Variants in SLC35F1 observed in about 807,000 individuals in gnomAD.
SLC35F1 encodes solute carrier family 35 member F1, also known as chromosome 6 open reading frame 169.
SLC35F1 carries 14 observed loss-of-function variants against 48.7 expected under a neutral mutation model. That is an observed-to-expected ratio of 0.29 (90% confidence interval 0.19 to 0.45). The LOEUF (loss-of-function observed/expected upper bound fraction) is 0.45. Among genes scored for constraint, SLC35F1 ranks in the 20% least tolerant of loss-of-function variants. SLC35F1 has a pLI of 1.00. For synonymous variants in SLC35F1, 190 were observed against 202.2 expected, an observed-to-expected ratio of 0.94 and a Z score of 0.51; for missense variants, 404 against 500.0, an observed-to-expected ratio of 0.81 and a Z score of 1.83.
At chr6:118,082,551 C>G (rs1367050625) in intron 1 of SLC35F1, among the ~76,000 whole-genome samples, 1 of 151,190 alleles carries the variant, frequency 6.6e-6, no homozygotes, top group Non-Finnish European at 1.5e-5. Context: ...TTACAAGTAA[C>G]ATAAACTCAA....
At chr6:118,287,541 G>A (rs911768743) in intron 7 of SLC35F1, among the ~76,000 whole-genome samples, 3 of 152,170 alleles carry the variant, frequency 2.0e-5, no homozygotes, top group Non-Finnish European at 4.4e-5. Context: ...TCACTGGGGT[G>A]CTTGATAAAA....
chr6:118,130,412 A>G (rs1050487050), intron 1 of SLC35F1, among the ~76,000 whole-genome samples: 28 of 152,214 alleles, frequency 1.8e-4, no homozygotes, highest in Non-Finnish European at 3.4e-4. Context: ...CAAAGCTTGC[A>G]GTGAGCGGAG....
At chr6:117,926,491 A>G (rs1776030121) in intron 1 of SLC35F1, among the ~76,000 whole-genome samples, 1 of 151,994 alleles carries the variant, frequency 6.6e-6, no homozygotes, top group Non-Finnish European at 1.5e-5. Context: ...CCAGAATTAA[A>G]AGAGGAGTGT....
chr6:118,309,749 G>A (rs144265418), intron 7 of SLC35F1, among the ~76,000 whole-genome samples: 2 of 152,164 alleles, frequency 1.3e-5, no homozygotes, highest in African/African-American at 4.8e-5. Flanking sequence ...ATGAAAATTT[G>A]GTCTGTGATG....
At chr6:118,240,076 A>G (rs1056134591) in intron 3 of SLC35F1, among the ~76,000 whole-genome samples, 2 of 152,252 alleles carry the variant, frequency 1.3e-5, no homozygotes, top group African/African-American at 4.8e-5. Flanking sequence ...ATATTAATCC[A>G]TAAAGAAGAC....
At chr6:117,975,931 G>T (rs1776700023) in intron 1 of SLC35F1, among the ~76,000 whole-genome samples, 1 of 152,148 alleles carries the variant, frequency 6.6e-6, no homozygotes, top group Admixed American at 6.5e-5. Context: ...TCGCCAAAAG[G>T]TAGATTATCA....
chr6:118,048,536 T>C (rs2114907784), intron 1 of SLC35F1, among the ~76,000 whole-genome samples: 1 of 152,274 alleles, frequency 6.6e-6, no homozygotes, highest in South Asian at 2.1e-4. Context: ...AAAATCAATG[T>C]ACAAAAATCA....
chr6:117,966,197 T>C (rs1402070131), intron 1 of SLC35F1, among the ~76,000 whole-genome samples: 1 of 139,412 alleles, frequency 7.2e-6, no homozygotes, highest in African/African-American at 2.7e-5. Context: ...CTGTCCATGC[T>C]GTGGAAGCTT....
At chr6:118,071,194 A>G (rs1772718676) in intron 1 of SLC35F1, among the ~76,000 whole-genome samples, 2 of 141,828 alleles carry the variant, frequency 1.4e-5, no homozygotes, top group African/African-American at 2.8e-5. Flanking sequence ...GTGTATATAC[A>G]CACATAGTAT....
chr6:118,148,821 T>G (rs1053229124), intron 1 of SLC35F1, among the ~76,000 whole-genome samples: 5 of 152,190 alleles, frequency 3.3e-5, no homozygotes, highest in Admixed American at 6.5e-5. Flanking sequence ...CTTACCAGGC[T>G]TGTTCTGAAA....
rs115292448 is a variant in SLC35F1, at chr6:118,063,246, T to C, written c.174-91199T>C. 3.9e-3 allele frequency among the ~76,000 whole-genome samples: 596 copies of C among 152,300 alleles called. 6 individuals are homozygous for C. Among genetic ancestry groups the C allele is most frequent in the African/African-American group, 0.013 (559 of 41,568 alleles). ...ACCACAAATTTATAATGGAGTAAGA[T>C]TCATCACTTCATTATAGAGTTTTCT... On this transcript the variant is annotated intron_variant, in intron 1 of 7. Coordinates refer to ENST00000360388, the MANE Select transcript of SLC35F1 (RefSeq NM_001029858.4).
rs148647449 is a variant in SLC35F1 at position 118,194,027 on chromosome 6, T to G, written c.349+39407T>G. ...CAAAATATTTGATTTAAGCACTTAT[T>G]TTTAAGCCAATTAATTAGAGCTCTT... is the stretch of plus-strand genomic sequence containing the variant. On this transcript the variant is annotated intron_variant, in intron 2 of 7. Transcript: ENST00000360388. 4.4e-3 allele frequency among the ~76,000 whole-genome samples: 676 copies of G among 152,298 alleles called. 8 individuals carry two copies. The highest frequency in any genetic ancestry group is 0.015 in the African/African-American group (631 of 41,576).
chr6:118,114,616 T>C (rs1773452843), intron 1 of SLC35F1, among the ~76,000 whole-genome samples: 1 of 152,104 alleles, frequency 6.6e-6, no homozygotes, highest in African/African-American at 2.4e-5. Context: ...GACCTCGTGA[T>C]CCACCCACCT....
chr6:118,298,868 T>A (rs951422130), intron 7 of SLC35F1, among the ~76,000 whole-genome samples: 1 of 152,214 alleles, frequency 6.6e-6, no homozygotes, highest in African/African-American at 2.4e-5. Context: ...TCCTCTGACT[T>A]CTTTACTCAG....
At chr6:118,250,530 A>G (rs1449585133) in intron 3 of SLC35F1, among the ~76,000 whole-genome samples, 8 of 152,208 alleles carry the variant, frequency 5.3e-5, no homozygotes, top group South Asian at 2.1e-4. Flanking sequence ...ATTAGGTAAT[A>G]CAGAGACGTA....
At chr6:118,153,916 A>T (rs1381380212) in intron 1 of SLC35F1, among the ~76,000 whole-genome samples, 1 of 151,994 alleles carries the variant, frequency 6.6e-6, no homozygotes, top group Admixed American at 6.6e-5. Context: ...GTTTTCAGGG[A>T]TTTGTGTAGC....
chr6:118,043,530 T>C (rs993607821), intron 1 of SLC35F1, among the ~76,000 whole-genome samples: 1 of 152,186 alleles, frequency 6.6e-6, no homozygotes, highest in Admixed American at 6.6e-5. Context: ...ATGTCTATCT[T>C]ATTTTCAACT....
intron 1 of SLC35F1, among the ~76,000 whole-genome samples, chr6:118,143,644 T>C (rs1051798393): frequency 1.4e-4 from 21 of 152,224 alleles, no homozygotes; most frequent in Non-Finnish European, 2.5e-4. Context: ...CTAGTTTTTT[T>C]CTAAATGTAT....
At chr6:118,173,086 T>C (rs1774430786) in intron 2 of SLC35F1, among the ~76,000 whole-genome samples, 1 of 152,010 alleles carries the variant, frequency 6.6e-6, no homozygotes, top group Non-Finnish European at 1.5e-5. Flanking sequence ...CCCACAAGCA[T>C]CCCATAGGTC....
Sources: gnomAD v4.1 joint callset for allele counts (sites outside exome capture counted in the v4.1 genomes callset) on GRCh38, gnomAD v4.1.1 for gene constraint, MANE v1.5 for transcripts, NCBI Gene and HGNC (gene_info 2026-07-23, HGNC 2026-07-21) for gene names.